The following NFASC variants were observed in gnomAD, a reference collection of about 807,000 sequenced individuals.
NFASC encodes neurofascin, also known as neurofascin homolog.
A neutral mutation model predicts 147.5 loss-of-function variants in NFASC; 43 were observed. The observed-to-expected ratio is 0.29, with a 90% CI of 0.23 to 0.38. The LOEUF (loss-of-function observed/expected upper bound fraction) is 0.38. NFASC is among the 10% of genes least tolerant of loss of function. The probability of loss-of-function intolerance (pLI) is 1.00; values close to 1 mark genes in which losing one functional copy is unlikely to be tolerated. For missense variants in NFASC, 1,320 were observed against 1,689.0 expected, an observed-to-expected ratio of 0.78 and a Z score of 3.83; for synonymous variants, 622 against 665.5, an observed-to-expected ratio of 0.93 and a Z score of 1.01.
In NFASC at chr1:204,975,184, C is replaced by G. The variant is rs890253819; in HGVS notation, c.1559-87C>G. 4.8e-6 allele frequency: 7 copies of G among 1,472,208 alleles called. No homozygotes were observed. The Admixed American group carries it at 6.2e-5, about 13-fold the overall frequency. 91.2% of individuals were successfully genotyped at this position (1,472,208 alleles called of 1,614,324 possible). On this transcript the variant is annotated intron_variant, in intron 14 of 29. Coordinates refer to ENST00000339876, the MANE Select transcript of NFASC (RefSeq NM_001005388.3). This position sits in a 1 kb window ranked among gnomAD's most constrained non-coding sequence, Gnocchi z 4.0. ...CCACTCCATAGTTGGCCCAAGGCCT[C>G]GAGGGCAGACATATGCCACTTTGTG...
chr1:204,957,479 T>C (rs911890668), intron 7 of NFASC, among the ~76,000 whole-genome samples, 177 bp from the exon 8 acceptor site: 7 of 152,228 alleles, frequency 4.6e-5, no homozygotes, highest in African/African-American at 1.7e-4. Flanking sequence ...CATCCTCTGC[T>C]TTCTGATCTG....
At position 205,011,281 on chromosome 1, in the gene NFASC, G is replaced by C. The variant is rs1431664111; in HGVS notation, c.3422-1516G>C. ...ATTCTTTTTCATTCCCCATGCCCAA[G>C]TACCCACAGACTAGGACTCTGAAGA... On this transcript the variant is annotated intron_variant, in intron 28 of 29. Coordinates refer to ENST00000339876, the MANE Select transcript of NFASC (RefSeq NM_001005388.3). Among the ~76,000 whole-genome samples the C allele has an allele frequency of 7.5e-5, 11 of 147,488 alleles. No homozygotes were observed. In the Admixed American group the frequency reaches 7.6e-4, roughly 10 times the overall value.
At chr1:204,937,479 C>G (rs1263316544) in intron 2 of NFASC, among the ~76,000 whole-genome samples, 4 of 152,218 alleles carry the variant, frequency 2.6e-5, no homozygotes, top group Admixed American at 6.5e-5. Flanking sequence ...ACCTGCACCC[C>G]CAGCAACCAC....
At chr1:204,881,319 C>T (rs1254115429) in intron 1 of NFASC, among the ~76,000 whole-genome samples, 1 of 152,228 alleles carries the variant, frequency 6.6e-6, no homozygotes, top group African/African-American at 2.4e-5. Flanking sequence ...GCAGGTAGGG[C>T]ACAGTTCAGG....
rs567951625 is a variant in NFASC, at chr1:204,973,643, C to T, written c.1279+224C>T. Among the ~76,000 whole-genome samples, 131 of 152,208 alleles carry T rather than the reference C, an allele frequency of 8.6e-4. 4 individuals are homozygous for T. In the South Asian group the frequency reaches 0.024, roughly 28 times the overall value. Reference sequence around the variant, plus strand: ...GTTAGCAGATCATCTGGATCAACCTCCTCATTGTACAGATGGAAGACTTAA... The same window carrying T: ...GTTAGCAGATCATCTGGATCAACCTTCTCATTGTACAGATGGAAGACTTAA... On this transcript the variant is annotated intron_variant, in intron 12 of 29. Transcript: ENST00000339876.
chr1:204,981,723 C>A, intron 20 of NFASC, 75 bp from the exon 21 acceptor site: 1 of 973,116 alleles, frequency 1.0e-6, no homozygotes, highest in Non-Finnish European at 1.5e-6. Flanking sequence ...CCTGGCACAG[C>A]AAGAGAGGGC....
rs544296759 is a variant in NFASC, at chr1:204,936,767, C to G, written c.-90-7459C>G. ...TCTTTACAAGCAAATCTCACCATGTCACTCTGGCTTCAAACCCTGCAGCCG... is the reference window on the plus strand; with the variant it reads ...TCTTTACAAGCAAATCTCACCATGTGACTCTGGCTTCAAACCCTGCAGCCG... On this transcript the variant is annotated intron_variant, in intron 2 of 29. Coordinates refer to ENST00000339876, the MANE Select transcript of NFASC (RefSeq NM_001005388.3). 2.6e-5 allele frequency among the ~76,000 whole-genome samples: 4 copies of G among 152,356 alleles called. No individual in the cohort carries two copies. The East Asian group carries it at 7.7e-4, about 29-fold the overall frequency.
At chr1:204,874,867 T>G (rs2078443479) in intron 1 of NFASC, among the ~76,000 whole-genome samples, 1 of 151,432 alleles carries the variant, frequency 6.6e-6, no homozygotes, top group African/African-American at 2.4e-5. Context: ...ATGAGAGGGG[T>G]GGGTGGTGGG....
intron 1 of NFASC, among the ~76,000 whole-genome samples, chr1:204,849,147 G>A (rs555344430): frequency 6.6e-6 from 1 of 152,314 alleles, no homozygotes; most frequent in Non-Finnish European, 1.5e-5. Flanking sequence ...AGCCCTGAAT[G>A]GGAAGATGTG....
chr1:204,954,714 C>G lies in NFASC; in HGVS notation c.413-115C>G. Reference sequence around the variant, plus strand: ...GCCCCGTCCCTCTCTCTTGCTCCCTCCTTCTCCAGGTGCCCCTTCTGTTTC... The same window carrying G: ...GCCCCGTCCCTCTCTCTTGCTCCCTGCTTCTCCAGGTGCCCCTTCTGTTTC... On this transcript the variant is annotated intron_variant, in intron 6 of 29. Transcript: ENST00000339876. The surrounding 1 kb of genome is among the most constrained non-coding windows in gnomAD (Gnocchi z 5.7). 7.8e-7 allele frequency: 1 copy of G among 1,274,794 alleles called. No homozygotes were observed. The highest frequency in any genetic ancestry group is 1.3e-5 in the South Asian group (1 of 74,168). The allele number at this position is 1,274,794 out of a possible 1,614,324, so 79.0% of individuals were successfully genotyped here. A position where few individuals can be genotyped will look rare whatever the true frequency, so the allele number is the denominator to read the frequency against.
At chr1:204,930,841 A>G (rs1434244653) in intron 2 of NFASC, among the ~76,000 whole-genome samples, 2 of 152,218 alleles carry the variant, frequency 1.3e-5, no homozygotes, top group African/African-American at 4.8e-5. Context: ...CACGTGGCCT[A>G]TACAGGCCTG....
chr1:204,847,304 C>G (rs2075264848), intron 1 of NFASC, among the ~76,000 whole-genome samples: 1 of 152,198 alleles, frequency 6.6e-6, no homozygotes, highest in Admixed American at 6.5e-5. Flanking sequence ...TAAATAGATA[C>G]TATCTCACTC....
intron 1 of NFASC, among the ~76,000 whole-genome samples, chr1:204,916,400 G>A (rs989584947): frequency 7.2e-5 from 11 of 152,204 alleles, no homozygotes; most frequent in African/African-American, 2.7e-4. Flanking sequence ...TCATCTTTAA[G>A]GATTATCTGT....
chr1:204,880,835 A>G (rs897875174), intron 1 of NFASC, among the ~76,000 whole-genome samples: 2 of 152,208 alleles, frequency 1.3e-5, no homozygotes, highest in Non-Finnish European at 2.9e-5. Context: ...GAGAACCCAA[A>G]AGAAAGTCCT....
intron 26 of NFASC, among the ~76,000 whole-genome samples, chr1:205,002,182 G>A (rs1429537694): frequency 6.6e-6 from 1 of 152,240 alleles, no homozygotes; most frequent in Non-Finnish European, 1.5e-5. Context: ...CCAAGAGACA[G>A]AGTCCCAGCT....
At chr1:204,957,874 C>T (rs1309846160) in intron 8 of NFASC, 48 bp downstream of exon 8, 11 of 1,567,330 alleles carry the variant, frequency 7.0e-6, no homozygotes, top group Non-Finnish European at 9.7e-6. Flanking sequence ...GAAAGAAGCC[C>T]ACTGATCCCA....
intron 28 of NFASC, among the ~76,000 whole-genome samples, chr1:205,012,255 C>A (rs1446945547): frequency 1.3e-5 from 2 of 152,160 alleles, no homozygotes; most frequent in African/African-American, 4.8e-5. Context: ...GGGGGCACGC[C>A]AACAAGGGGG....
intron 1 of NFASC, among the ~76,000 whole-genome samples, chr1:204,910,646 C>A (rs1040880535): frequency 4.0e-5 from 6 of 151,862 alleles, no homozygotes; most frequent in African/African-American, 1.2e-4. Context: ...GTTGCACCTG[C>A]AGTTCTAGCT....
At position 205,001,061 on chromosome 1, in the gene NFASC, G is replaced by A. The variant is rs7521164; in HGVS notation, c.3020-109G>A. ...ACTGTGTGTACATGTGTGCGTGCGC[G>A]AGTGTGGGCATGTGCGTGCATGCAC... On this transcript the variant is annotated intron_variant, in intron 25 of 29. Coordinates refer to ENST00000339876, the MANE Select transcript of NFASC (RefSeq NM_001005388.3). The A allele has an allele frequency of 4.1e-4, 297 of 722,192 alleles. 2 individuals carry two copies. Among genetic ancestry groups the A allele is most frequent in the African/African-American group, 4.1e-3 (235 of 57,388 alleles). 44.7% of individuals were successfully genotyped at this position (722,192 alleles called of 1,614,324 possible). A position where few individuals can be genotyped will look rare whatever the true frequency, so the allele number is the denominator to read the frequency against.
Sources: gnomAD v4.1 joint callset for allele counts (sites outside exome capture counted in the v4.1 genomes callset) on GRCh38, gnomAD v4.1.1 for gene constraint, Gnocchi (gnomAD v3.1) non-coding constraint, MANE v1.5 for transcripts, NCBI Gene and HGNC (gene_info 2026-07-23, HGNC 2026-07-21) for gene names.